TMEM236: variants seen among roughly 807,000 people sequenced by gnomAD.
TMEM236 encodes family with sequence similarity 23, member A.
TMEM236 carries 11 observed loss-of-function variants against 14.7 expected under a neutral mutation model. The ratio of observed to expected loss-of-function variants is 0.75; its 90% CI spans 0.47 to 1.24. The LOEUF is 1.24. Among genes scored for constraint, TMEM236 ranks in the 50% most tolerant of loss-of-function variants. TMEM236 has a pLI of 0.00. For missense variants in TMEM236, 464 were observed against 427.3 expected (o/e 1.09, Z -0.76); for synonymous variants, 182 against 168.6 (o/e 1.08, Z -0.62).
intron 1 of TMEM236, among the ~76,000 whole-genome samples, chr10:17,769,793 C>T (rs1348563500): frequency 6.6e-6 from 1 of 152,150 alleles, no homozygotes; most frequent in South Asian, 2.1e-4. Flanking sequence ...GGAGGCAAGA[C>T]AGCGCCAAAG....
intron 3 of TMEM236, among the ~76,000 whole-genome samples, chr10:17,785,900 A>G (rs1474853336): frequency 6.6e-6 from 1 of 152,168 alleles, no homozygotes; most frequent in Non-Finnish European, 1.5e-5. Flanking sequence ...TCTGATTTAT[A>G]TCTTCTAATG....
rs1229119702 is a variant in TMEM236 at position 17,776,171 on chromosome 10, G to A, written c.472+1G>A. On this transcript the variant is annotated splice_donor_variant, in intron 3 of 3. Coordinates refer to ENST00000377495, the MANE Select transcript of TMEM236 (RefSeq NM_001098844.3). LOFTEE classifies it high-confidence loss of function. ...TATCCTCTTAGAGGGAGTCAAAAGA[G>A]TAAGTGTTCTTTTAAATGTGAATAT... 8.1e-6 allele frequency: 13 copies of A among 1,610,428 alleles called. No individual in the cohort carries two copies. Among genetic ancestry groups the A allele is most frequent in the African/African-American group, 5.3e-5 (4 of 74,818 alleles).
rs1297497582 is a variant in TMEM236 at position 17,761,693 on chromosome 10, C to CAA, written c.257+9158_257+9159dup. Among the ~76,000 whole-genome samples, 728 of 113,712 alleles carry CAA rather than the reference C, an allele frequency of 6.4e-3. 9 individuals are homozygous for CAA. Among genetic ancestry groups the CAA allele is most frequent in the African/African-American group, 7.4e-3 (223 of 30,076 alleles). 74.6% of individuals were successfully genotyped at this position (113,712 alleles called of 152,430 possible). On this transcript the variant is annotated intron_variant, in intron 1 of 3. Coordinates refer to ENST00000377495, the MANE Select transcript of TMEM236 (RefSeq NM_001098844.3). ...TGGGTGACAGAGTGAGACTATGTCT[C>CAA]AAAAAAAAAAAAAAAAAAGAAAAGG... is the stretch of plus-strand genomic sequence containing the variant.
At position 17,766,855 on chromosome 10, in the gene TMEM236, G is replaced by GT. The variant is rs547239185; in HGVS notation, c.258-4445dup. On this transcript the variant is annotated intron_variant, in intron 1 of 3. Coordinates refer to ENST00000377495, the MANE Select transcript of TMEM236 (RefSeq NM_001098844.3). Reference sequence around the variant, plus strand: ...CCATGTCTTTCTCCTTGCTTCTGTTGTTTTTTTTTGGCAATCTTTGATGTT... The same window carrying GT: ...CCATGTCTTTCTCCTTGCTTCTGTTGTTTTTTTTTTGGCAATCTTTGATGTT... Among the ~76,000 whole-genome samples, 675 of 151,248 alleles carry GT rather than the reference G, an allele frequency of 4.5e-3. 9 individuals are homozygous for GT. The East Asian group carries it at 0.048, about 11-fold the overall frequency.
At chr10:17,779,482 GTTAA>G (rs1444095999) in intron 3 of TMEM236, among the ~76,000 whole-genome samples, 3 of 151,920 alleles carry the variant, frequency 2.0e-5, no homozygotes, top group East Asian at 3.9e-4. Flanking sequence ...TAATTAATTA[GTTAA>G]TTAATTAATT....
chr10:17,785,836 T>A (rs956777900), intron 3 of TMEM236, among the ~76,000 whole-genome samples: 1 of 152,118 alleles, frequency 6.6e-6, no homozygotes, highest in Admixed American at 6.5e-5. Context: ...TTTTTTCCTC[T>A]TCTCAAGAAG....
intron 1 of TMEM236, among the ~76,000 whole-genome samples, chr10:17,761,905 G>A (rs1020955536): frequency 1.3e-5 from 2 of 151,962 alleles, no homozygotes; most frequent in African/African-American, 2.4e-5. Flanking sequence ...GTGGCTCTTC[G>A]TAGAACAGCC....
chr10:17,789,505 A>G (rs1837888400), intron 3 of TMEM236, among the ~76,000 whole-genome samples: 1 of 152,226 alleles, frequency 6.6e-6, no homozygotes, highest in African/African-American at 2.4e-5. Context: ...GAATTCCTTC[A>G]CTGTGAGGTT....
chr10:17,752,841 A>G (rs1837228903), intron 1 of TMEM236, among the ~76,000 whole-genome samples: 1 of 152,236 alleles, frequency 6.6e-6, no homozygotes, highest in South Asian at 2.1e-4. Context: ...TACTAGGATT[A>G]CAGGCAGAAG....
At position 17,796,770 on chromosome 10, in the gene TMEM236, C is replaced by G; in HGVS notation, c.*266C>G. 2.2e-6 allele frequency: 1 copy of G among 449,502 alleles called. No individual in the cohort carries two copies. The highest frequency in any genetic ancestry group is 2.2e-5 in the South Asian group (1 of 46,038). The allele number at this position is 449,502 out of a possible 1,614,324, so 27.8% of individuals were successfully genotyped here. A position where few individuals can be genotyped will look rare whatever the true frequency, so the allele number is the denominator to read the frequency against. On this transcript the variant is annotated 3_prime_UTR_variant, in exon 4 of 4. Coordinates refer to ENST00000377495, the MANE Select transcript of TMEM236 (RefSeq NM_001098844.3). Reference sequence around the variant, plus strand: ...AGCTAATTTTAGTTAGTTATGTATACTGAGGTCCCCAACCCCTGGACCATG... The same window carrying G: ...AGCTAATTTTAGTTAGTTATGTATAGTGAGGTCCCCAACCCCTGGACCATG...
rs1300778324 is a variant in TMEM236 at position 17,799,125 on chromosome 10, C to G, written c.*2621C>G. 5.8e-6 allele frequency: 1 copy of G among 173,544 alleles called. No homozygotes were observed. Among genetic ancestry groups the G allele is most frequent in the Non-Finnish European group, 1.2e-5 (1 of 80,396 alleles). 10.8% of individuals were successfully genotyped at this position (173,544 alleles called of 1,614,324 possible). A position where few individuals can be genotyped will look rare whatever the true frequency, so the allele number is the denominator to read the frequency against. ...CATCAGACATTTGAGTGTCTGTCCTCTGAGTTCCCATAGAATCTGAATTAC... is the reference window on the plus strand; with the variant it reads ...CATCAGACATTTGAGTGTCTGTCCTGTGAGTTCCCATAGAATCTGAATTAC... On this transcript the variant is annotated 3_prime_UTR_variant, in exon 4 of 4. Transcript: ENST00000377495.
chr10:17,776,001 A>G, intron 2 of TMEM236, 28 bp from the exon 3 acceptor site: 2 of 1,613,520 alleles, frequency 1.2e-6, no homozygotes, highest in South Asian at 2.2e-5. Flanking sequence ...CAATAATTTA[A>G]TGCTTGTAAA....
intron 3 of TMEM236, among the ~76,000 whole-genome samples, chr10:17,781,664 T>C (rs1267367947): frequency 6.7e-6 from 1 of 149,834 alleles, no homozygotes; most frequent in Non-Finnish European, 1.5e-5. Context: ...AAGAATCGCT[T>C]GAACCCAGGA....
Position 17,796,598 on chromosome 10 carries a change from A to G in TMEM236, c.*94A>G. 2.7e-6 allele frequency: 3 copies of G among 1,130,622 alleles called. No homozygotes were observed. Among genetic ancestry groups the G allele is most frequent in the East Asian group, 2.4e-5 (1 of 42,398 alleles). 70.0% of individuals were successfully genotyped at this position (1,130,622 alleles called of 1,614,324 possible). On this transcript the variant is annotated 3_prime_UTR_variant, in exon 4 of 4. Transcript: ENST00000377495. ...CTTGGGGCGTAGGTGTTTGCACTAT[A>G]AAGGAAATGACTAGATTGTAGAGAA...
At chr10:17,770,241 A>G (rs1385441734) in intron 1 of TMEM236, among the ~76,000 whole-genome samples, 12 of 152,346 alleles carry the variant, frequency 7.9e-5, no homozygotes, top group Non-Finnish European at 1.5e-5. Flanking sequence ...AAAACATTAT[A>G]TAAATGGAAT....
intron 3 of TMEM236, among the ~76,000 whole-genome samples, chr10:17,787,955 AC>A (rs1435186269): frequency 3.3e-5 from 5 of 152,240 alleles, no homozygotes; most frequent in African/African-American, 1.2e-4. Context: ...GGCATTTCAG[AC>A]CATTTCAAAG....
Position 17,799,056 on chromosome 10 carries a change from C to T in TMEM236, c.*2552C>T, listed in dbSNP as rs1347917024. On this transcript the variant is annotated 3_prime_UTR_variant, in exon 4 of 4. Coordinates refer to ENST00000377495, the MANE Select transcript of TMEM236 (RefSeq NM_001098844.3). ...GAGGAGTATTGTATTCAAAAGTGAT[C>T]GATCTGCTGAATATATAAATTAAAA... 11 of 201,422 alleles carry T rather than the reference C, an allele frequency of 5.5e-5. No individual in the cohort carries two copies. Among genetic ancestry groups the T allele is most frequent in the South Asian group, 1.6e-4 (2 of 12,436 alleles). 12.5% of individuals were successfully genotyped at this position (201,422 alleles called of 1,614,324 possible).
chr10:17,783,617 C>T (rs1228886687), intron 3 of TMEM236, among the ~76,000 whole-genome samples: 1 of 152,166 alleles, frequency 6.6e-6, no homozygotes, highest in Non-Finnish European at 1.5e-5. Flanking sequence ...TGTTCAGATG[C>T]AGAACTTCCG....
chr10:17,768,687 A>G (rs1554834519), intron 1 of TMEM236, among the ~76,000 whole-genome samples: 1 of 151,606 alleles, frequency 6.6e-6, no homozygotes, highest in East Asian at 1.9e-4. Flanking sequence ...ACAAAGAATC[A>G]GCAGATTTCT....
Sources: gnomAD v4.1 joint callset for allele counts (sites outside exome capture counted in the v4.1 genomes callset) on GRCh38, gnomAD v4.1.1 for gene constraint, MANE v1.5 for transcripts, NCBI Gene and HGNC (gene_info 2026-07-23, HGNC 2026-07-21) for gene names.